The following PCDHA3 variants were observed in gnomAD, a reference collection of about 807,000 sequenced individuals.
PCDHA3 encodes the protein protocadherin alpha-3.
A neutral mutation model predicts 62.2 loss-of-function variants in PCDHA3; 41 were observed. That is an observed-to-expected ratio of 0.66 (90% CI 0.51 to 0.86). The LOEUF (loss-of-function observed/expected upper bound fraction) is 0.86, where lower values mean the gene tolerates loss of function less well. PCDHA3 is among the 40% of genes least tolerant of loss of function. The pLI is 0.00. For missense variants in PCDHA3, 1,304 were observed against 1,241.2 expected, an observed-to-expected ratio of 1.05 and a Z score of -0.76; for synonymous variants, 640 against 555.4, an observed-to-expected ratio of 1.15 and a Z score of -2.14.
chr5:140,807,340 C>G, intron 1 of PCDHA3: 1 of 1,613,272 alleles, frequency 6.2e-7, no homozygotes, highest in Non-Finnish European at 8.5e-7. Context: ...TCGCGCAGGA[C>G]CTGGGACTGG....
At chr5:140,821,779 G>A (rs1554128193) in intron 1 of PCDHA3, 29 of 1,609,248 alleles carry the variant, frequency 1.8e-5, no homozygotes, top group Admixed American at 3.4e-5. Flanking sequence ...GATTGAGATG[G>A]TATATTCCCG....
At chr5:140,912,689 C>T (rs879967123) in intron 1 of PCDHA3, among the ~76,000 whole-genome samples, 1 of 152,112 alleles carries the variant, frequency 6.6e-6, no homozygotes, top group Admixed American at 6.5e-5. Context: ...TTCCAGGTCT[C>T]AGGGGGAATG....
rs782443702 is a variant in PCDHA3 at position 140,824,610 on chromosome 5, G to GTTTT, written c.2394+21038_2394+21041dup. ...GGACTACATGCACATGCTAATTAAAGTTTTTTTTTTTTTTTTTTTTTTATT... is the reference window on the plus strand; with the variant it reads ...GGACTACATGCACATGCTAATTAAAGTTTTTTTTTTTTTTTTTTTTTTTTTTATT... On this transcript the variant is annotated intron_variant, in intron 1 of 3. Coordinates refer to ENST00000522353, the MANE Select transcript of PCDHA3 (RefSeq NM_018906.3). 941 of 95,090 alleles carry GTTTT rather than the reference G, an allele frequency of 9.9e-3. 171 individuals carry two copies. The highest frequency in any genetic ancestry group is 0.04 in the African/African-American group (820 of 20,550). The allele number at this position is 95,090 out of a possible 1,614,324, so 5.9% of individuals were successfully genotyped here.
intron 3 of PCDHA3, among the ~76,000 whole-genome samples, chr5:140,988,469 G>A (rs2097299168): frequency 6.6e-6 from 1 of 152,150 alleles, no homozygotes; most frequent in Admixed American, 6.5e-5. Flanking sequence ...GGTGTGGGAA[G>A]GGGAATTAGC....
At chr5:140,808,186 T>C (rs368094728) in intron 1 of PCDHA3, 4 of 1,614,204 alleles carry the variant, frequency 2.5e-6, no homozygotes, top group African/African-American at 1.3e-5. Context: ...TTTCTGGCCA[T>C]TGTAGAGTTA....
At chr5:140,995,647 A>G (rs1419237450) in intron 3 of PCDHA3, among the ~76,000 whole-genome samples, 2 of 152,202 alleles carry the variant, frequency 1.3e-5, no homozygotes, top group African/African-American at 4.8e-5. Context: ...TTAGAAAAGG[A>G]GAATCGAAAA....
intron 1 of PCDHA3, chr5:140,859,527 A>T (rs1435954408): frequency 5.2e-6 from 1 of 191,864 alleles, no homozygotes; most frequent in African/African-American, 2.4e-5. Flanking sequence ...TTTTAAAAAA[A>T]ATTTATTAAT....
chr5:140,967,257 G>A (rs782706939), intron 1 of PCDHA3: 2 of 1,613,486 alleles, frequency 1.2e-6, no homozygotes, highest in East Asian at 2.2e-5. Flanking sequence ...GTGGCGCCTG[G>A]AGCGCGCTTT....
intron 1 of PCDHA3, chr5:140,841,802 G>A: frequency 6.2e-7 from 1 of 1,613,944 alleles, no homozygotes; most frequent in Non-Finnish European, 8.5e-7. Context: ...GTCCGATGCA[G>A]ATGTTGGAGC....
chr5:140,836,955 A>G (rs1227773080), intron 1 of PCDHA3: 1 of 420,702 alleles, frequency 2.4e-6, no homozygotes, highest in Non-Finnish European at 4.1e-6. Flanking sequence ...TCTATGGTTT[A>G]TGTTGGCTAC....
At chr5:140,899,964 T>A (rs543512832) in intron 1 of PCDHA3, among the ~76,000 whole-genome samples, 3 of 151,824 alleles carry the variant, frequency 2.0e-5, no homozygotes, top group African/African-American at 7.3e-5. Flanking sequence ...TGTGCTGCCA[T>A]GCCCAGCTAC....
intron 1 of PCDHA3, chr5:140,807,779 A>G (rs1562212438): frequency 6.2e-7 from 1 of 1,614,134 alleles, no homozygotes; most frequent in East Asian, 2.2e-5. Context: ...TATATTACGG[A>G]AATCTTTAGA....
intron 3 of PCDHA3, among the ~76,000 whole-genome samples, chr5:140,998,936 A>G (rs1328813980): frequency 6.6e-5 from 10 of 152,246 alleles, no homozygotes; most frequent in African/African-American, 2.4e-4. Flanking sequence ...TTACAGATGA[A>G]GAAACTGTAA....
intron 1 of PCDHA3, chr5:140,830,439 T>G: frequency 6.2e-7 from 1 of 1,611,160 alleles, no homozygotes; most frequent in Non-Finnish European, 8.5e-7. Context: ...CCTATTATGA[T>G]GGGTAAGGCG....
Position 140,803,492 on chromosome 5 carries a change from C to T in PCDHA3, c.2295C>T (p.Pro765=). The T allele has an allele frequency of 6.2e-7, 1 of 1,614,212 alleles. No individual in the cohort carries two copies. Among genetic ancestry groups the T allele is most frequent in the Non-Finnish European group, 8.5e-7 (1 of 1,180,038 alleles). ...QQRVCSGEGL[P]KTDLMAFSPS... ...GGGTGTGCTCTGGAGAGGGGTTGCC[C>T]AAGACCGACCTCATGGCTTTTAGCC... The change falls in exon 1 of 4, where the codon CCC becomes CCT. Residue 765 remains proline (P), a synonymous_variant. Coordinates refer to ENST00000522353, the MANE Select transcript of PCDHA3 (RefSeq NM_018906.3).
chr5:140,849,557 G>A (rs2150440607), intron 1 of PCDHA3: 1 of 1,598,482 alleles, frequency 6.3e-7, no homozygotes. Flanking sequence ...CTATCAAAAC[G>A]CTCTCGGTTC....
In PCDHA3 at chr5:140,823,215, C is replaced by G. The variant is rs916835953; in HGVS notation, c.2394+19624C>G. On this transcript the variant is annotated intron_variant, in intron 1 of 3. Transcript: ENST00000522353. ...ACATCTTCACGGTGTCTGCACGGGA[C>G]GCGGACGCGCAGGAGAACGCCCTGG... is the stretch of plus-strand genomic sequence containing the variant. 1.2e-6 allele frequency: 2 copies of G among 1,613,652 alleles called. No individual in the cohort carries two copies. The highest frequency in any genetic ancestry group is 1.1e-5 in the South Asian group (1 of 91,078).
At chr5:140,830,456 C>T in intron 1 of PCDHA3, 1 of 1,594,032 alleles carries the variant, frequency 6.3e-7, no homozygotes, top group South Asian at 1.1e-5. Context: ...GGCGGAGAAT[C>T]AGGATTTAAA....
At chr5:140,910,099 T>G (rs1554194123) in intron 1 of PCDHA3, among the ~76,000 whole-genome samples, 1 of 152,230 alleles carries the variant, frequency 6.6e-6, no homozygotes, top group African/African-American at 2.4e-5. Context: ...CAGCCTCCCC[T>G]TCATTTAAGG....
Sources: gnomAD v4.1 joint callset for allele counts (sites outside exome capture counted in the v4.1 genomes callset) on GRCh38, gnomAD v4.1.1 for gene constraint, MANE v1.5 for transcripts, NCBI Gene and HGNC (gene_info 2026-07-23, HGNC 2026-07-21) for gene names.